PTPRR: variants seen among roughly 807,000 people sequenced by gnomAD.
The protein encoded by PTPRR is receptor-type tyrosine-protein phosphatase R.
A neutral mutation model predicts 77.2 loss-of-function variants in PTPRR; 38 were observed. That is an observed-to-expected ratio of 0.49 (90% CI 0.38 to 0.65). PTPRR has a LOEUF of 0.65. Ranked by LOEUF, PTPRR falls within the 30% of genes least tolerant of loss-of-function variation. The probability of loss-of-function intolerance (pLI) is 0.00; values close to 1 mark genes in which losing one functional copy is unlikely to be tolerated. For missense variants in PTPRR, 744 were observed against 799.2 expected (o/e 0.93, Z 0.83); for synonymous variants, 299 against 283.1 (o/e 1.06, Z -0.57).
At chr12:70,775,618 T>C (rs191219801) in intron 2 of PTPRR, among the ~76,000 whole-genome samples, 1 of 152,324 alleles carries the variant, frequency 6.6e-6, no homozygotes, top group East Asian at 1.9e-4. Flanking sequence ...GTGGTCCAGT[T>C]AGTGGGCAAA....
chr12:70,777,247 T>A (rs1430073296), intron 2 of PTPRR, among the ~76,000 whole-genome samples: 1 of 152,134 alleles, frequency 6.6e-6, no homozygotes, highest in East Asian at 1.9e-4. Flanking sequence ...TCACTTCTGT[T>A]ATTTCAACAG....
intron 2 of PTPRR, among the ~76,000 whole-genome samples, chr12:70,884,771 C>G (rs956034426): frequency 1.6e-4 from 23 of 143,592 alleles, no homozygotes; most frequent in Non-Finnish European, 2.7e-4. Flanking sequence ...ACTCCGGAGG[C>G]TGAGGCCAGG....
At chr12:70,844,598 A>G (rs1232738678) in intron 2 of PTPRR, among the ~76,000 whole-genome samples, 1 of 152,160 alleles carries the variant, frequency 6.6e-6, no homozygotes, top group East Asian at 1.9e-4. Context: ...CAAGGGCACA[A>G]TCTTGCAGTT....
chr12:70,733,040 G>C (rs539810601), intron 6 of PTPRR, among the ~76,000 whole-genome samples: 22 of 152,202 alleles, frequency 1.4e-4, no homozygotes, highest in South Asian at 8.3e-4. Flanking sequence ...GAAAACGCAG[G>C]AAATGAAAAG....
chr12:70,739,943 G>A (rs761043954), intron 6 of PTPRR, among the ~76,000 whole-genome samples: 1 of 152,124 alleles, frequency 6.6e-6, no homozygotes, highest in Non-Finnish European at 1.5e-5. Context: ...GGATGTAGTT[G>A]CAAATGGATT....
chr12:70,680,972 G>GCCAAGA (rs1234391221), intron 10 of PTPRR, among the ~76,000 whole-genome samples: 229 of 152,300 alleles, frequency 1.5e-3, no homozygotes, highest in Non-Finnish European at 2.5e-3. Context: ...TTTGGACTTG[G>GCCAAGA]TTTCTCTGCT....
intron 1 of PTPRR, among the ~76,000 whole-genome samples, chr12:70,904,349 T>C (rs1893587118): frequency 6.6e-6 from 1 of 151,818 alleles, no homozygotes; most frequent in South Asian, 2.1e-4. Flanking sequence ...CTATGATACA[T>C]CTAAACAATG....
At chr12:70,834,695 T>C (rs907477287) in intron 2 of PTPRR, among the ~76,000 whole-genome samples, 4 of 152,144 alleles carry the variant, frequency 2.6e-5, no homozygotes, top group African/African-American at 9.7e-5. Context: ...TATTGAATAG[T>C]AGAAGGAAGT....
At chr12:70,759,359 G>A (rs1443955598) in intron 4 of PTPRR, among the ~76,000 whole-genome samples, 1 of 152,160 alleles carries the variant, frequency 6.6e-6, no homozygotes, top group Non-Finnish European at 1.5e-5. Context: ...GTAGAGATGA[G>A]CCTAAAGACT....
intron 5 of PTPRR, 35 bp downstream of exon 5, chr12:70,754,156 A>G: frequency 1.3e-6 from 2 of 1,597,704 alleles, no homozygotes; most frequent in Non-Finnish European, 1.7e-6. Flanking sequence ...CAGTGGGCTG[A>G]GCAAAGGATA....
chr12:70,731,787 C>T (rs1335020652), intron 6 of PTPRR, among the ~76,000 whole-genome samples: 1 of 152,162 alleles, frequency 6.6e-6, no homozygotes, highest in South Asian at 2.1e-4. Context: ...TTTTAGAGAA[C>T]CTCTATTATG....
chr12:70,657,661 A>C (rs1021834265), intron 12 of PTPRR, among the ~76,000 whole-genome samples: 4 of 152,210 alleles, frequency 2.6e-5, no homozygotes, highest in Admixed American at 2.0e-4. Context: ...AGTTCAATGT[A>C]TCTAAATTCA....
chr12:70,890,950 T>TA (rs978224819), intron 2 of PTPRR, among the ~76,000 whole-genome samples: 3 of 152,052 alleles, frequency 2.0e-5, no homozygotes, highest in Non-Finnish European at 4.4e-5. Context: ...TTGATTTATT[T>TA]AAAAAATAAC....
intron 10 of PTPRR, among the ~76,000 whole-genome samples, chr12:70,668,609 A>T (rs1887100729): frequency 1.3e-5 from 2 of 152,154 alleles, no homozygotes; most frequent in Admixed American, 6.5e-5. Flanking sequence ...TTTTCTTATT[A>T]GTATCTTACC....
chr12:70,787,133 C>T (rs1237608292), intron 2 of PTPRR, among the ~76,000 whole-genome samples: 4 of 152,154 alleles, frequency 2.6e-5, no homozygotes, highest in Non-Finnish European at 5.9e-5. Flanking sequence ...ATGACTCTGC[C>T]TATTTCATCC....
chr12:70,900,064 G>A (rs1893504598), intron 1 of PTPRR, among the ~76,000 whole-genome samples: 1 of 151,410 alleles, frequency 6.6e-6, no homozygotes, highest in African/African-American at 2.4e-5. Flanking sequence ...CTATGTTCAT[G>A]AATTAGAAGA....
At chr12:70,795,752 A>G (rs1891499092) in intron 2 of PTPRR, among the ~76,000 whole-genome samples, 1 of 152,124 alleles carries the variant, frequency 6.6e-6, no homozygotes, top group Non-Finnish European at 1.5e-5. Context: ...AAAATCTTAA[A>G]TATGTTTGGT....
intron 10 of PTPRR, among the ~76,000 whole-genome samples, chr12:70,678,488 T>C (rs546664105): frequency 1.3e-5 from 2 of 152,344 alleles, no homozygotes; most frequent in South Asian, 4.1e-4. Flanking sequence ...TGTAGTATTG[T>C]TCACCATAGT....
chr12:70,805,362 G>A (rs1175997389), intron 2 of PTPRR, among the ~76,000 whole-genome samples: 1 of 151,810 alleles, frequency 6.6e-6, no homozygotes, highest in Non-Finnish European at 1.5e-5. Flanking sequence ...TTTGGGACAG[G>A]ATCTCATTCT....
Sources: allele counts gnomAD v4.1 joint callset (sites outside exome capture counted in the v4.1 genomes callset), GRCh38; gene constraint gnomAD v4.1.1; transcripts MANE v1.5; gene names NCBI Gene and HGNC (gene_info 2026-07-23, HGNC 2026-07-21).